The following LRFN2 variants were observed in gnomAD, a reference collection of about 807,000 sequenced individuals.
LRFN2 encodes the protein leucine rich repeat and fibronectin type III domain containing 2, also known as leucine-rich repeat and fibronectin type-III domain-containing protein 2.
Under a neutral mutation model 37.3 loss-of-function variants are expected in LRFN2, and 18 were observed. That is an observed-to-expected ratio of 0.48 (90% confidence interval 0.33 to 0.72). The LOEUF (loss-of-function observed/expected upper bound fraction) is 0.72. Ranked by LOEUF, LRFN2 falls within the 30% of genes least tolerant of loss-of-function variation. The pLI, the probability that LRFN2 is intolerant of heterozygous loss-of-function variation, is 0.02. For missense variants in LRFN2, 1,006 were observed against 1,060.7 expected, an observed-to-expected ratio of 0.95 and a Z score of 0.72; for synonymous variants, 556 against 466.6, an observed-to-expected ratio of 1.19 and a Z score of -2.47.
intron 1 of LRFN2, among the ~76,000 whole-genome samples, chr6:40,527,290 CAG>C: frequency 6.6e-6 from 1 of 152,096 alleles, no homozygotes; most frequent in Non-Finnish European, 1.5e-5. Context: ...AAAGTCATGC[CAG>C]AGAAAGAAAA....
chr6:40,558,146 G>C (rs1270969852), intron 1 of LRFN2, among the ~76,000 whole-genome samples: 1 of 152,174 alleles, frequency 6.6e-6, no homozygotes, highest in Non-Finnish European at 1.5e-5. Flanking sequence ...CTGGGAATGA[G>C]TAAGCTGAGG....
chr6:40,446,346 G>A (rs552114398), intron 1 of LRFN2, among the ~76,000 whole-genome samples: 2 of 152,298 alleles, frequency 1.3e-5, no homozygotes, highest in South Asian at 2.1e-4. Flanking sequence ...AAGTGGCTAG[G>A]GCCCACGAAG....
intron 1 of LRFN2, among the ~76,000 whole-genome samples, chr6:40,444,045 G>A (rs908228597): frequency 1.1e-4 from 16 of 152,174 alleles, no homozygotes; most frequent in Non-Finnish European, 2.2e-4. Context: ...CCCCCCAATG[G>A]CCAAACCTAA....
At chr6:40,410,257 A>G (rs530744504) in intron 2 of LRFN2, among the ~76,000 whole-genome samples, 1 of 152,242 alleles carries the variant, frequency 6.6e-6, no homozygotes, top group African/African-American at 2.4e-5. Context: ...TTCAGCCTTG[A>G]GCAATTCACT....
chr6:40,504,809 G>GTTTTCCT, intron 1 of LRFN2, among the ~76,000 whole-genome samples: 1 of 152,132 alleles, frequency 6.6e-6, no homozygotes, highest in African/African-American at 2.4e-5. Flanking sequence ...TATTATAGTA[G>GTTTTCCT]CTTGGTTTCA....
chr6:40,506,902 T>C (rs1442066605), intron 1 of LRFN2, among the ~76,000 whole-genome samples: 3 of 152,040 alleles, frequency 2.0e-5, no homozygotes, highest in Non-Finnish European at 4.4e-5. Context: ...GGGACCCTAA[T>C]TTACCCAGCA....
intron 1 of LRFN2, among the ~76,000 whole-genome samples, chr6:40,535,074 A>T (rs1284062454): frequency 6.6e-6 from 1 of 152,178 alleles, no homozygotes; most frequent in East Asian, 1.9e-4. Context: ...GGGCAGCTGC[A>T]GGTCGAGCCT....
intron 1 of LRFN2, among the ~76,000 whole-genome samples, chr6:40,530,351 G>A (rs554783933): frequency 3.3e-5 from 5 of 152,174 alleles, no homozygotes; most frequent in Non-Finnish European, 7.3e-5. Flanking sequence ...AAATGAACAA[G>A]GGCCCAAGTT....
intron 1 of LRFN2, among the ~76,000 whole-genome samples, chr6:40,488,340 C>T (rs1765012932): frequency 6.6e-6 from 1 of 151,890 alleles, no homozygotes; most frequent in South Asian, 2.1e-4. Context: ...CCTGCCTGGC[C>T]CCCCAACCCC....
chr6:40,492,707 C>T (rs1765120581), intron 1 of LRFN2, among the ~76,000 whole-genome samples: 1 of 152,144 alleles, frequency 6.6e-6, no homozygotes, highest in Non-Finnish European at 1.5e-5. Flanking sequence ...GGCACCTCCT[C>T]TGCTGGGGGC....
At chr6:40,553,988 G>C (rs73732711) in intron 1 of LRFN2, among the ~76,000 whole-genome samples, 3,871 of 152,250 alleles carry the variant, frequency 0.025, 187 homozygotes, top group African/African-American at 0.087. Flanking sequence ...TGTGGTTTCA[G>C]GTGCCTCTCT....
chr6:40,435,874 A>G (rs1455311722), intron 1 of LRFN2, among the ~76,000 whole-genome samples: 2 of 152,146 alleles, frequency 1.3e-5, no homozygotes, highest in Non-Finnish European at 2.9e-5. Flanking sequence ...TATTATGTAT[A>G]TTTGAATTCC....
At position 40,512,534 on chromosome 6, in the gene LRFN2, G is replaced by C. The variant is rs1322407661; in HGVS notation, c.-19+74407C>G. Among the ~76,000 whole-genome samples, 9 of 152,226 alleles carry C rather than the reference G, an allele frequency of 5.9e-5. No individual in the cohort carries two copies. In the East Asian group the frequency reaches 1.7e-3, roughly 29 times the overall value. ...GATTGCAGAGATTCTGTGCCCCCAG[G>C]CCAGGCCAAGCCAGTCTCTGTTTTT... On this transcript the variant is annotated intron_variant, in intron 1 of 2. Coordinates refer to ENST00000338305, the MANE Select transcript of LRFN2 (RefSeq NM_020737.3).
chr6:40,548,315 C>T (rs145135150), intron 1 of LRFN2, among the ~76,000 whole-genome samples: 4,804 of 152,058 alleles, frequency 0.032, 100 homozygotes, highest in Admixed American at 0.041. Flanking sequence ...GTGGTGGGCA[C>T]CTGTAATTCC....
At chr6:40,578,539 A>T (rs1405883552) in intron 1 of LRFN2, among the ~76,000 whole-genome samples, 1 of 152,218 alleles carries the variant, frequency 6.6e-6, no homozygotes, top group South Asian at 2.1e-4. Flanking sequence ...AAATGAGATC[A>T]TGTGGAGATT....
chr6:40,491,058 G>T (rs1263910398), intron 1 of LRFN2, among the ~76,000 whole-genome samples: 3 of 152,232 alleles, frequency 2.0e-5, no homozygotes, highest in Admixed American at 2.0e-4. Flanking sequence ...GGGAAGCCAT[G>T]GCGGTGGAGA....
At chr6:40,492,292 C>G (rs1224003545) in intron 1 of LRFN2, among the ~76,000 whole-genome samples, 11 of 152,234 alleles carry the variant, frequency 7.2e-5, no homozygotes, top group Admixed American at 2.0e-4. Flanking sequence ...AGGTGCAGTC[C>G]CTTCCTCTTG....
At chr6:40,558,576 T>C (rs10456108) in intron 1 of LRFN2, among the ~76,000 whole-genome samples, 72,027 of 151,866 alleles carry the variant, frequency 0.47, 18,115 homozygotes, top group African/African-American at 0.64. Flanking sequence ...GGAGATGTCC[T>C]CAGTTAGGTG....
At chr6:40,561,146 G>C (rs988809951) in intron 1 of LRFN2, among the ~76,000 whole-genome samples, 1 of 152,162 alleles carries the variant, frequency 6.6e-6, no homozygotes. Flanking sequence ...TAGGAACTCA[G>C]GCCCAAGGGA....
Sources: allele counts gnomAD v4.1 joint callset (sites outside exome capture counted in the v4.1 genomes callset), GRCh38; gene constraint gnomAD v4.1.1; transcripts MANE v1.5; gene names NCBI Gene and HGNC (gene_info 2026-07-23, HGNC 2026-07-21).